Variants in NRXN3 observed in about 807,000 individuals in gnomAD.
The protein encoded by NRXN3 is neurexin III.
In NRXN3, 32 loss-of-function variants were observed where a neutral mutation model predicts 137.6. That is an observed-to-expected ratio of 0.23 (90% CI 0.18 to 0.31). NRXN3 has a LOEUF of 0.31. NRXN3 is among the 10% of genes least tolerant of loss of function. NRXN3 has a pLI of 1.00. For missense variants in NRXN3, 1,574 were observed against 2,062.5 expected, an observed-to-expected ratio of 0.76 and a Z score of 4.59; for synonymous variants, 798 against 784.5, an observed-to-expected ratio of 1.02 and a Z score of -0.29.
intron 15 of NRXN3, among the ~76,000 whole-genome samples, chr14:79,318,726 T>C (rs1219412535): frequency 6.6e-6 from 1 of 152,190 alleles, no homozygotes; most frequent in Non-Finnish European, 1.5e-5. Flanking sequence ...GAACATTCTT[T>C]GGGGTCAGTT....
intron 4 of NRXN3, among the ~76,000 whole-genome samples, chr14:78,403,336 G>T (rs1206945520): frequency 6.6e-6 from 1 of 152,210 alleles, no homozygotes; most frequent in Non-Finnish European, 1.5e-5. Flanking sequence ...CATGCATTCT[G>T]ATCAAAGTAG....
intron 16 of NRXN3, among the ~76,000 whole-genome samples, chr14:79,536,077 G>A (rs2097208554): frequency 6.6e-6 from 1 of 152,194 alleles, no homozygotes. Context: ...AGAGGATGGT[G>A]TGTTTTACTT....
chr14:78,514,792 T>G (rs2096175828), intron 4 of NRXN3, among the ~76,000 whole-genome samples: 1 of 152,082 alleles, frequency 6.6e-6, no homozygotes, highest in South Asian at 2.1e-4. Flanking sequence ...AACACCATTG[T>G]AGAGAGGAAA....
chr14:79,314,303 C>A (rs1226767185), intron 15 of NRXN3, among the ~76,000 whole-genome samples: 2 of 109,270 alleles, frequency 1.8e-5, no homozygotes, highest in African/African-American at 7.3e-5. Context: ...AAAGGGGTGA[C>A]GGACGCACCT....
At chr14:79,284,059 T>G (rs2081754767) in intron 15 of NRXN3, among the ~76,000 whole-genome samples, 3 of 152,028 alleles carry the variant, frequency 2.0e-5, no homozygotes, top group Non-Finnish European at 2.9e-5. Flanking sequence ...TATCATTTTT[T>G]ATCAAAGTGC....
rs137903995 is a variant in NRXN3, at chr14:79,555,677, A to G, written c.3444+88275A>G. On this transcript the variant is annotated intron_variant, in intron 16 of 20. Coordinates refer to ENST00000335750, the MANE Select transcript of NRXN3 (RefSeq NM_001330195.2). ...ATGTGTAGGAGTTTGTCAGATAAGG[A>G]GATGAAACAGGCATTCCAGGAAAAG... Among the ~76,000 whole-genome samples, 958 of 152,232 alleles carry G rather than the reference A, an allele frequency of 6.3e-3. 12 individuals carry two copies. The highest frequency in any genetic ancestry group is 0.037 in the Middle Eastern group (11 of 294).
chr14:79,560,058 A>G (rs1395584863), intron 16 of NRXN3, among the ~76,000 whole-genome samples: 1 of 152,134 alleles, frequency 6.6e-6, no homozygotes, highest in Non-Finnish European at 1.5e-5. Context: ...ATAATGAAAA[A>G]TTACAGATTT....
chr14:79,831,033 G>A (rs978544839), intron 20 of NRXN3, among the ~76,000 whole-genome samples: 8 of 151,806 alleles, frequency 5.3e-5, no homozygotes, highest in Admixed American at 4.6e-4. Context: ...GGAACGTGTT[G>A]ACATGAGGTC....
chr14:79,587,737 T>G (rs1448336489), intron 16 of NRXN3, among the ~76,000 whole-genome samples: 1 of 152,216 alleles, frequency 6.6e-6, no homozygotes, highest in Non-Finnish European at 1.5e-5. Context: ...TACATGCAAG[T>G]GTACTGCCTT....
chr14:79,788,400 T>C (rs770086901), intron 19 of NRXN3, among the ~76,000 whole-genome samples: 1 of 152,236 alleles, frequency 6.6e-6, no homozygotes, highest in Non-Finnish European at 1.5e-5. Context: ...GTTTTTTCTA[T>C]GAGCTAGGCT....
intron 15 of NRXN3, among the ~76,000 whole-genome samples, chr14:79,171,888 C>T (rs1433362749): frequency 6.6e-6 from 1 of 151,328 alleles, no homozygotes; most frequent in Non-Finnish European, 1.5e-5. Flanking sequence ...TAAACTTTTA[C>T]TGTGTGCAAC....
chr14:79,173,522 C>A (rs1338477802), intron 15 of NRXN3, among the ~76,000 whole-genome samples: 4 of 101,694 alleles, frequency 3.9e-5, no homozygotes, highest in African/African-American at 1.4e-4. Context: ...CAGAGCAAGA[C>A]CTTGTCTCAA....
intron 8 of NRXN3, among the ~76,000 whole-genome samples, chr14:78,736,506 C>T (rs1484049053): frequency 2.0e-5 from 3 of 152,158 alleles, no homozygotes; most frequent in African/African-American, 4.8e-5. Flanking sequence ...CCAGACATTG[C>T]ACAACATGCT....
chr14:79,401,906 GTCTT>G (rs2095209265), intron 15 of NRXN3, among the ~76,000 whole-genome samples: 1 of 147,950 alleles, frequency 6.8e-6, no homozygotes, highest in Non-Finnish European at 1.5e-5. Context: ...ATCATTTTTT[GTCTT>G]TCTTTCTTTT....
intron 16 of NRXN3, among the ~76,000 whole-genome samples, chr14:79,592,563 A>G (rs1388859781): frequency 6.7e-6 from 1 of 150,128 alleles, no homozygotes; most frequent in Non-Finnish European, 1.5e-5. Context: ...CCTCCTAGAT[A>G]CTGATGAAGC....
At chr14:79,155,342 C>T (rs1192320352) in intron 15 of NRXN3, among the ~76,000 whole-genome samples, 2 of 151,760 alleles carry the variant, frequency 1.3e-5, no homozygotes, top group African/African-American at 4.8e-5. Context: ...ATATAAGAAC[C>T]TATGTAATTG....
chr14:78,202,023 T>C (rs1248561085), intron 1 of NRXN3, among the ~76,000 whole-genome samples: 2 of 152,104 alleles, frequency 1.3e-5, no homozygotes, highest in African/African-American at 4.8e-5. Flanking sequence ...AAGGGAAGAA[T>C]GGGTGGCTGG....
intron 1 of NRXN3, among the ~76,000 whole-genome samples, chr14:78,179,080 T>C (rs1321905238): frequency 6.6e-6 from 1 of 152,146 alleles, no homozygotes; most frequent in Non-Finnish European, 1.5e-5. Context: ...GATGGGATCA[T>C]GCACAGCCTC....
At chr14:78,308,055 G>A (rs2153539398) in intron 4 of NRXN3, among the ~76,000 whole-genome samples, 1 of 152,020 alleles carries the variant, frequency 6.6e-6, no homozygotes, top group East Asian at 1.9e-4. Flanking sequence ...ACGATGGCAA[G>A]TATTGGGATG....
Sources: allele counts gnomAD v4.1 joint callset (sites outside exome capture counted in the v4.1 genomes callset), GRCh38; gene constraint gnomAD v4.1.1; transcripts MANE v1.5; gene names NCBI Gene and HGNC (gene_info 2026-07-23, HGNC 2026-07-21).